DAB2IP: variants seen among roughly 807,000 people sequenced by gnomAD.
DAB2IP encodes DAB2 interacting protein.
DAB2IP carries 28 observed loss-of-function variants against 107.2 expected under a neutral mutation model. The observed-to-expected ratio is 0.26, with a 90% CI of 0.19 to 0.36. The LOEUF is 0.36. DAB2IP is among the 10% of genes least tolerant of loss of function. DAB2IP has a pLI of 1.00. For missense variants in DAB2IP, 1,400 were observed against 1,644.7 expected, an observed-to-expected ratio of 0.85 and a Z score of 2.57; for synonymous variants, 755 against 706.4, an observed-to-expected ratio of 1.07 and a Z score of -1.09.
chr9:121,783,957 G>A (rs1383725300), exon 16 of DAB2IP: 2 of 242,752 alleles, frequency 8.2e-6, no homozygotes, highest in South Asian at 1.4e-4. Context: ...GCCAGGGCAG[G>A]GCGAGCTGCA....
At chr9:121,666,940 G>C (rs530363463) in intron 1 of DAB2IP, among the ~76,000 whole-genome samples, 1 of 149,476 alleles carries the variant, frequency 6.7e-6, no homozygotes, top group Non-Finnish European at 1.5e-5. Context: ...GACGTACACA[G>C]AGGCATAAGC....
intron 1 of DAB2IP, among the ~76,000 whole-genome samples, chr9:121,569,264 G>A (rs1829878033): frequency 6.6e-6 from 1 of 152,232 alleles, no homozygotes; most frequent in African/African-American, 2.4e-5. Flanking sequence ...ATTACTTTCA[G>A]GTTCTGGACT....
chr9:121,570,883 C>A (rs1408146488), intron 1 of DAB2IP, among the ~76,000 whole-genome samples: 1 of 151,842 alleles, frequency 6.6e-6, no homozygotes, highest in East Asian at 1.9e-4. Flanking sequence ...GGTTTCCTCC[C>A]ATTATCTCTG....
intron 3 of DAB2IP, among the ~76,000 whole-genome samples, chr9:121,703,921 A>C (rs886885938): frequency 1.3e-5 from 2 of 152,308 alleles, no homozygotes; most frequent in African/African-American, 4.8e-5. Context: ...CCTTAAACTT[A>C]AGAAACAGCC....
At chr9:121,668,301 G>A (rs923127295) in intron 1 of DAB2IP, among the ~76,000 whole-genome samples, 5 of 150,176 alleles carry the variant, frequency 3.3e-5, no homozygotes, top group African/African-American at 9.8e-5. Flanking sequence ...CAAGTGGCAC[G>A]ATCTCCACTC....
At chr9:121,697,789 G>A (rs1368753153) in intron 2 of DAB2IP, among the ~76,000 whole-genome samples, 1 of 152,180 alleles carries the variant, frequency 6.6e-6, no homozygotes, top group East Asian at 1.9e-4. Flanking sequence ...GTGGCCACAG[G>A]GGTATGTCTC....
At chr9:121,574,322 C>A (rs558267454) in intron 1 of DAB2IP, among the ~76,000 whole-genome samples, 1 of 152,094 alleles carries the variant, frequency 6.6e-6, no homozygotes, top group Non-Finnish European at 1.5e-5. Context: ...TCCATTTCCC[C>A]ATCTGTGAAA....
At chr9:121,569,934 C>T (rs1829894973) in intron 1 of DAB2IP, among the ~76,000 whole-genome samples, 1 of 151,752 alleles carries the variant, frequency 6.6e-6, no homozygotes, top group East Asian at 1.9e-4. Flanking sequence ...TGACTACAAA[C>T]ATACACCACC....
At chr9:121,643,058 T>C (rs1832418054) in intron 1 of DAB2IP, among the ~76,000 whole-genome samples, 2 of 152,050 alleles carry the variant, frequency 1.3e-5, no homozygotes, top group Admixed American at 1.3e-4. Flanking sequence ...TGAAAAGTTA[T>C]CAAGCTGAGT....
chr9:121,682,517 C>A (rs551142723), intron 2 of DAB2IP, among the ~76,000 whole-genome samples: 1 of 152,166 alleles, frequency 6.6e-6, no homozygotes, highest in Non-Finnish European at 1.5e-5. Flanking sequence ...TTGTTTACAC[C>A]ATCACATGCC....
At chr9:121,572,511 A>C (rs1829969142) in intron 1 of DAB2IP, among the ~76,000 whole-genome samples, 1 of 151,976 alleles carries the variant, frequency 6.6e-6, no homozygotes, top group Admixed American at 6.6e-5. Context: ...ATCCTCCCCG[A>C]CTCTGGACTT....
intron 3 of DAB2IP, among the ~76,000 whole-genome samples, chr9:121,708,250 G>A (rs1389326428): frequency 1.3e-5 from 2 of 152,200 alleles, no homozygotes; most frequent in Non-Finnish European, 2.9e-5. Context: ...ACTGAAACCC[G>A]ATGTGTGAGT....
At chr9:121,666,514 G>C (rs753436066) in intron 1 of DAB2IP, among the ~76,000 whole-genome samples, 4 of 152,054 alleles carry the variant, frequency 2.6e-5, no homozygotes, top group Non-Finnish European at 5.9e-5. Flanking sequence ...TCAATCATAA[G>C]TGAGAGTTGA....
chr9:121,705,834 T>G (rs577753097), intron 3 of DAB2IP, among the ~76,000 whole-genome samples: 1 of 152,344 alleles, frequency 6.6e-6, no homozygotes, highest in South Asian at 2.1e-4. Context: ...CCAGGCCCCA[T>G]ATTAGAATAT....
chr9:121,768,435 T>C, exon 10 of DAB2IP: 2 of 1,614,160 alleles, frequency 1.2e-6, no homozygotes, highest in Non-Finnish European at 1.7e-6. Context: ...TCTCCAGATT[T>C]GGCAGCAAGG....
chr9:121,605,192 G>A (rs142770507), intron 1 of DAB2IP, among the ~76,000 whole-genome samples: 44 of 151,776 alleles, frequency 2.9e-4, no homozygotes, highest in Admixed American at 1.2e-3. Flanking sequence ...GCTAATTTTT[G>A]TATTTTTTTG....
rs373448252 is a variant in DAB2IP, at chr9:121,667,777, C to T, written c.125-10901C>T. 4.6e-5 allele frequency among the ~76,000 whole-genome samples: 7 copies of T among 152,040 alleles called. No homozygotes were observed. The East Asian group carries it at 5.8e-4, about 13-fold the overall frequency. ...CCTCCCAAAGTGTTGGGATTACAGG[C>T]GTGAGCCACCACGCCCAGCCAGATC... On this transcript the variant is annotated intron_variant, in intron 1 of 15. Transcript: ENST00000408936.
At chr9:121,718,631 C>T (rs1296313681) in intron 3 of DAB2IP, among the ~76,000 whole-genome samples, 1 of 152,184 alleles carries the variant, frequency 6.6e-6, no homozygotes, top group Non-Finnish European at 1.5e-5. Flanking sequence ...GAGAACTTAG[C>T]TAACTCTGCA....
intron 1 of DAB2IP, among the ~76,000 whole-genome samples, chr9:121,579,503 C>A (rs995104650): frequency 3.9e-5 from 6 of 152,142 alleles, no homozygotes; most frequent in Non-Finnish European, 7.4e-5. Context: ...CTGCCCACTG[C>A]AGGACCAAGT....
Sources: gnomAD v4.1 joint callset for allele counts (sites outside exome capture counted in the v4.1 genomes callset) on GRCh38, gnomAD v4.1.1 for gene constraint, MANE v1.5 for transcripts, NCBI Gene and HGNC (gene_info 2026-07-23, HGNC 2026-07-21) for gene names.